MASP1: variants seen among roughly 807,000 people sequenced by gnomAD.
MASP1 encodes MBL associated serine protease 1.
Under a neutral mutation model 77.1 loss-of-function variants are expected in MASP1, and 59 were observed. The observed-to-expected ratio is 0.77, with a 90% CI of 0.62 to 0.95. The LOEUF (loss-of-function observed/expected upper bound fraction) is 0.95. Ranked by LOEUF, MASP1 falls within the 40% of genes least tolerant of loss-of-function variation. MASP1 has a pLI of 0.00. For missense variants in MASP1, 885 were observed against 912.9 expected, an observed-to-expected ratio of 0.97 and a Z score of 0.39; for synonymous variants, 362 against 354.5, an observed-to-expected ratio of 1.02 and a Z score of -0.24.
In MASP1 at chr3:187,285,777, A is replaced by G. The variant is rs767200240; in HGVS notation, c.237+48T>C. 4.8e-6 allele frequency: 7 copies of G among 1,460,106 alleles called. No homozygotes were observed. In the Admixed American group the frequency reaches 1.2e-4, roughly 24 times the overall value. 90.4% of individuals were successfully genotyped at this position (1,460,106 alleles called of 1,614,324 possible). A position where few individuals can be genotyped will look rare whatever the true frequency, so the allele number is the denominator to read the frequency against. On this transcript the variant is annotated intron_variant, in intron 2 of 10. Coordinates refer to ENST00000296280, the MANE Select transcript of MASP1 (RefSeq NM_139125.4). Reference sequence around the variant, plus strand: ...GTCTAATTTCATATTGCCTTGTCTAAATCCCAGAAGAGAGCCTGGCCCAGT... The same window carrying G: ...GTCTAATTTCATATTGCCTTGTCTAGATCCCAGAAGAGAGCCTGGCCCAGT...
At chr3:187,225,462 C>A in exon 13 of MASP1, 1 of 1,614,164 alleles carries the variant, frequency 6.2e-7, no homozygotes. Flanking sequence ...GTGTGTTTGA[C>A]GCCGAGATGC....
intron 1 of MASP1, 47 bp from the exon 2 acceptor site, chr3:187,286,103 C>T (rs1215934898): frequency 6.9e-7 from 1 of 1,440,200 alleles, no homozygotes; most frequent in Non-Finnish European, 9.8e-7. Context: ...AACACAGGCC[C>T]CTGCCATTCA....
chr3:187,271,337 A>C (rs1262986089), intron 2 of MASP1, among the ~76,000 whole-genome samples: 1 of 152,226 alleles, frequency 6.6e-6, no homozygotes, highest in African/African-American at 2.4e-5. Flanking sequence ...CCAAATGTGG[A>C]AAAAAACTTT....
At chr3:187,223,229 CTAT>C (rs1368457634) in intron 13 of MASP1, 1 of 1,562,642 alleles carries the variant, frequency 6.4e-7, no homozygotes, top group African/African-American at 1.4e-5. Flanking sequence ...AACAGAGAAG[CTAT>C]CTGTGGGGTG....
chr3:187,225,284 G>T, intron 13 of MASP1: 1 of 1,605,344 alleles, frequency 6.2e-7, no homozygotes, highest in Non-Finnish European at 8.5e-7. Flanking sequence ...CCTTGTGGAG[G>T]CACCAGCTGC....
At chr3:187,280,948 C>T (rs944710178) in intron 2 of MASP1, among the ~76,000 whole-genome samples, 6 of 152,102 alleles carry the variant, frequency 3.9e-5, no homozygotes, top group East Asian at 1.9e-4. Flanking sequence ...CTGGTTTAAC[C>T]GTTTGTATTT....
At chr3:187,269,925 A>G (rs1460872514) in intron 2 of MASP1, among the ~76,000 whole-genome samples, 1 of 142,378 alleles carries the variant, frequency 7.0e-6, no homozygotes, top group East Asian at 2.1e-4. Context: ...GAGGTCCTGG[A>G]GTTCAAGCCT....
chr3:187,229,695 C>A (rs72549162), downstream of MASP1: 7,347 of 1,593,186 alleles, frequency 4.6e-3, 19 homozygotes, highest in Non-Finnish European at 5.7e-3. Context: ...AATGAAGAAA[C>A]CTTGGTCAGT....
At chr3:187,289,445 C>A (rs1215410940) in intron 1 of MASP1, among the ~76,000 whole-genome samples, 3 of 152,154 alleles carry the variant, frequency 2.0e-5, no homozygotes, top group African/African-American at 7.2e-5. Flanking sequence ...TTAACTTCAA[C>A]AGAAGAAGGG....
At position 187,267,286 on chromosome 3, in the gene MASP1, G is replaced by A. The variant is rs531532873; in HGVS notation, c.238-4566C>T. On this transcript the variant is annotated intron_variant, in intron 2 of 10. Transcript: ENST00000296280. ...ATGCCTCATGACTTTGTTTGTCAATGTTCCCGAGCTATCTCCTGGAGCCTT... is the reference window on the plus strand; with the variant it reads ...ATGCCTCATGACTTTGTTTGTCAATATTCCCGAGCTATCTCCTGGAGCCTT... 4.6e-5 allele frequency among the ~76,000 whole-genome samples: 7 copies of A among 152,310 alleles called. No homozygotes were observed. The South Asian group carries it at 6.2e-4, about 14-fold the overall frequency.
At chr3:187,288,639 A>G (rs1718049827) in intron 1 of MASP1, among the ~76,000 whole-genome samples, 1 of 152,238 alleles carries the variant, frequency 6.6e-6, no homozygotes, top group Non-Finnish European at 1.5e-5. Context: ...CCAAAAAGCA[A>G]GAGTCAGGAA....
chr3:187,221,759 A>T (rs1712073405), intron 14 of MASP1, among the ~76,000 whole-genome samples: 1 of 152,186 alleles, frequency 6.6e-6, no homozygotes, highest in African/African-American at 2.4e-5. Context: ...TCGATGCTGG[A>T]TCTGTATTTT....
intron 8 of MASP1, among the ~76,000 whole-genome samples, chr3:187,248,683 T>C (rs966410200): frequency 6.6e-6 from 1 of 152,146 alleles, no homozygotes; most frequent in Non-Finnish European, 1.5e-5. Context: ...AGTTCCGCCA[T>C]GCCCGGACCT....
intron 2 of MASP1, among the ~76,000 whole-genome samples, chr3:187,269,806 A>G (rs1353489099): frequency 6.6e-6 from 1 of 152,130 alleles, no homozygotes; most frequent in Non-Finnish European, 1.5e-5. Context: ...GAGCATGTGG[A>G]GAGCAAATAA....
Position 187,260,949 on chromosome 3 carries a change from A to C in MASP1, c.416-77T>G, listed in dbSNP as rs1715526264. The C allele has an allele frequency of 1.3e-5, 19 of 1,517,058 alleles. No individual in the cohort carries two copies. In the Middle Eastern group the frequency reaches 6.8e-4, roughly 54 times the overall value. 94.0% of individuals were successfully genotyped at this position (1,517,058 alleles called of 1,614,324 possible). On this transcript the variant is annotated intron_variant, in intron 3 of 10. Transcript: ENST00000296280. The stretch of plus-strand genomic sequence containing the variant: ...ACAGCCAACATTTATAGAGCACTTG[A>C]TATGGGCCACTCACTATGTTAGGAG...
At chr3:187,284,766 A>G (rs779297288) in intron 2 of MASP1, among the ~76,000 whole-genome samples, 1 of 152,198 alleles carries the variant, frequency 6.6e-6, no homozygotes, top group Non-Finnish European at 1.5e-5. Context: ...TGAGTTGCTT[A>G]ACCTTCCTGG....
At chr3:187,259,807 T>A (rs710465) in intron 4 of MASP1, among the ~76,000 whole-genome samples, 2 of 152,160 alleles carry the variant, frequency 1.3e-5, no homozygotes, top group Admixed American at 6.5e-5. Context: ...TCCAGACTTG[T>A]GCTCCCCCAG....
In MASP1 at chr3:187,243,623, T is replaced by C; in HGVS notation, c.1091-2A>G. The stretch of plus-strand genomic sequence containing the variant: ...CTCCTGGGGCTCTACAGTCTACAAC[T>C]GAGAGAGAAGAAGTGAGACCCCTCA... On this transcript the variant is annotated splice_acceptor_variant, in intron 8 of 10. Transcript: ENST00000296280. LOFTEE classifies it high-confidence loss of function. The C allele has an allele frequency of 1.9e-6, 3 of 1,614,186 alleles. No individual in the cohort carries two copies. The highest frequency in any genetic ancestry group is 2.5e-6 in the Non-Finnish European group (3 of 1,180,042).
chr3:187,282,517 A>G (rs1389805436), intron 2 of MASP1, among the ~76,000 whole-genome samples: 1 of 142,476 alleles, frequency 7.0e-6, no homozygotes, highest in East Asian at 2.0e-4. Flanking sequence ...AAAAAAGAAG[A>G]AGAAGAAAAC....
Sources: allele counts gnomAD v4.1 joint callset (sites outside exome capture counted in the v4.1 genomes callset), GRCh38; gene constraint gnomAD v4.1.1; transcripts MANE v1.5; gene names NCBI Gene and HGNC (gene_info 2026-07-23, HGNC 2026-07-21).